CACNA1I: variants seen among roughly 807,000 people sequenced by gnomAD.
CACNA1I encodes calcium voltage-gated channel subunit alpha1 I.
In CACNA1I, 74 loss-of-function variants were observed where a neutral mutation model predicts 201.6. The observed-to-expected ratio is 0.37, with a 90% CI of 0.30 to 0.45. CACNA1I has a LOEUF of 0.45. Among genes scored for constraint, CACNA1I ranks in the 20% least tolerant of loss-of-function variants. The pLI, the probability that CACNA1I is intolerant of heterozygous loss-of-function variation, is 1.00. For synonymous variants in CACNA1I, 1,431 were observed against 1,345.2 expected (o/e 1.06, Z -1.40); for missense variants, 2,346 against 3,138.1 (o/e 0.75, Z 6.03).
intron 10 of CACNA1I, among the ~76,000 whole-genome samples, chr22:39,651,648 G>C (rs1328343601): frequency 6.6e-6 from 1 of 152,200 alleles, no homozygotes; most frequent in African/African-American, 2.4e-5. Context: ...CAGCATCGAG[G>C]GGGCCTGCAC....
rs150132960 is a variant in CACNA1I at position 39,597,323 on chromosome 22, C to T, written c.237-828C>T. Among the ~76,000 whole-genome samples the T allele has an allele frequency of 7.1e-3, 1,081 of 152,198 alleles. 13 individuals are homozygous for T. The highest frequency in any genetic ancestry group is 0.025 in the African/African-American group (1,044 of 41,492). Reference sequence around the variant, plus strand: ...TAGACAGTGGCGGGACTGGACACTGCGGGCTGTGTTCTAAGGATGGGTAGG... The same window carrying T: ...TAGACAGTGGCGGGACTGGACACTGTGGGCTGTGTTCTAAGGATGGGTAGG... On this transcript the variant is annotated intron_variant, in intron 1 of 36. Transcript: ENST00000402142.
At chr22:39,624,838 T>A (rs914538476) in intron 4 of CACNA1I, among the ~76,000 whole-genome samples, 1 of 152,174 alleles carries the variant, frequency 6.6e-6, no homozygotes, top group African/African-American at 2.4e-5. Context: ...TTTCTTTTTT[T>A]TAAAATATGA....
intron 2 of CACNA1I, among the ~76,000 whole-genome samples, chr22:39,599,319 G>A (rs1160996254): frequency 6.7e-6 from 1 of 149,362 alleles, no homozygotes. Flanking sequence ...CCGGGCACTT[G>A]GTAAAAATCC....
intron 32 of CACNA1I, 65 bp from the exon 33 acceptor site, chr22:39,679,657 C>T (rs1189541082): frequency 6.8e-7 from 1 of 1,461,960 alleles, no homozygotes. Context: ...GTGTCCTGCC[C>T]ACCCCACAGC....
Position 39,681,271 on chromosome 22 carries a change from C to G in CACNA1I, c.5664+219C>G, listed in dbSNP as rs572509708. ...GCCACAAGCCCAGCCAGCACTCCAA[C>G]CCGGCACCCAGCAGTACTGGCTGCT... On this transcript the variant is annotated intron_variant, in intron 34 of 36. Transcript: ENST00000402142. Among the ~76,000 whole-genome samples, 8 of 152,356 alleles carry G rather than the reference C, an allele frequency of 5.3e-5. No individual in the cohort carries two copies. In the East Asian group the frequency reaches 1.5e-3, roughly 29 times the overall value.
chr22:39,623,217 C>G (rs1291064592), intron 4 of CACNA1I, among the ~76,000 whole-genome samples: 1 of 146,370 alleles, frequency 6.8e-6, no homozygotes, highest in African/African-American at 2.5e-5. Flanking sequence ...GTGTGTCCAC[C>G]AGAGAACACG....
At chr22:39,650,403 C>T (rs1385808066) in intron 10 of CACNA1I, among the ~76,000 whole-genome samples, 2 of 152,202 alleles carry the variant, frequency 1.3e-5, no homozygotes, top group Non-Finnish European at 2.9e-5. Flanking sequence ...CCTCCCTCTT[C>T]AGCCTCCCAA....
Position 39,686,149 on chromosome 22 carries a change from C to T in CACNA1I, c.6416C>T (p.Pro2139Leu), listed in dbSNP as rs764533619. ...SLSLTSLFCP[P>L]PPPPAPGLTP... ...TCGCTCACCTCCCTCTTCTGCCCGC[C>T]GCCCCCGCCGCCAGCCCCCGGCCTC... Residue 2139 changes from proline (P) to leucine (L), a missense_variant, in exon 37 of 37, where the codon CCG becomes CTG. By Grantham distance (98) the Pro-to-Leu change is moderately conservative (BLOSUM62 -3). Around this residue, in one of 13 missense-constraint regions of CACNA1I, gnomAD observed 187 missense variants for 151.0 expected, o/e 1.24. Transcript: ENST00000402142. 7.8e-7 allele frequency: 1 copy of T among 1,275,252 alleles called. No homozygotes were observed. Among genetic ancestry groups the T allele is most frequent in the South Asian group, 2.6e-5 (1 of 38,796 alleles). The allele number at this position is 1,275,252 out of a possible 1,614,324, so 79.0% of individuals were successfully genotyped here. A position where few individuals can be genotyped will look rare whatever the true frequency, so the allele number is the denominator to read the frequency against.
At chr22:39,581,525 C>T (rs1020069329) in intron 1 of CACNA1I, among the ~76,000 whole-genome samples, 1 of 152,136 alleles carries the variant, frequency 6.6e-6, no homozygotes, top group Non-Finnish European at 1.5e-5. Flanking sequence ...TGTCCTGGGC[C>T]ACCCAGCCTG....
intron 4 of CACNA1I, among the ~76,000 whole-genome samples, chr22:39,623,333 T>C (rs1176845090): frequency 6.6e-6 from 1 of 151,804 alleles, no homozygotes; most frequent in Non-Finnish European, 1.5e-5. Flanking sequence ...AGAGTGTGTG[T>C]GCATGTGACA....
intron 4 of CACNA1I, among the ~76,000 whole-genome samples, chr22:39,627,476 T>C (rs1933932417): frequency 6.6e-6 from 1 of 152,144 alleles, no homozygotes; most frequent in African/African-American, 2.4e-5. Flanking sequence ...GGCACTGTGG[T>C]TAGTGCACAG....
In CACNA1I at chr22:39,571,886, A is replaced by T. The variant is rs11703000; in HGVS notation, c.236+898A>T. On this transcript the variant is annotated intron_variant, in intron 1 of 36. Coordinates refer to ENST00000402142, the MANE Select transcript of CACNA1I (RefSeq NM_021096.4). The stretch of plus-strand genomic sequence containing the variant: ...CCTAGCACCTGGCACAGTGCTTGGC[A>T]CATCGTGGGTGCTCTGGCAGTGTTT... 3.9e-3 allele frequency among the ~76,000 whole-genome samples: 589 copies of T among 152,364 alleles called. 5 individuals are homozygous for T. The highest frequency in any genetic ancestry group is 6.3e-3 in the Non-Finnish European group (431 of 68,034).
intron 3 of CACNA1I, among the ~76,000 whole-genome samples, chr22:39,609,940 A>T (rs1408783400): frequency 6.6e-6 from 1 of 152,148 alleles, no homozygotes. Flanking sequence ...GAGATCTCTA[A>T]CGTCAATACC....
chr22:39,605,420 T>C (rs1933192231), intron 3 of CACNA1I, among the ~76,000 whole-genome samples: 1 of 152,198 alleles, frequency 6.6e-6, no homozygotes. Context: ...GAAAGCTCTT[T>C]CTTTCACGGA....
At chr22:39,662,925 G>A (rs1451606204) in intron 18 of CACNA1I, 49 bp downstream of exon 18, 7 of 1,225,858 alleles carry the variant, frequency 5.7e-6, no homozygotes, top group African/African-American at 3.0e-5. Context: ...GGTAACGTGG[G>A]AGGGACGGAT....
intron 33 of CACNA1I, 125 bp downstream of exon 33, chr22:39,679,993 C>T (rs770173124): frequency 5.8e-5 from 55 of 955,524 alleles, no homozygotes; most frequent in Non-Finnish European, 8.4e-5. Flanking sequence ...CGTGGGCACA[C>T]GTAGCTTCCA....
In CACNA1I at chr22:39,583,005, CATCT is replaced by C. The variant is rs145775283; in HGVS notation, c.236+12018_236+12021del. On this transcript the variant is annotated intron_variant, in intron 1 of 36. Transcript: ENST00000402142. ...CCATCCATCCACCCACCCATCCATC[CATCT>C]GTCTTTCCATCCAAGCACCCAACCA... Among the ~76,000 whole-genome samples the C allele has an allele frequency of 3.8e-3, 567 of 151,058 alleles. 2 individuals are homozygous for C. Among genetic ancestry groups the C allele is most frequent in the Middle Eastern group, 0.014 (4 of 290 alleles).
chr22:39,670,772 G>A, intron 25 of CACNA1I, 31 bp from the exon 26 acceptor site: 1 of 1,612,848 alleles, frequency 6.2e-7, no homozygotes, highest in Non-Finnish European at 8.5e-7. Context: ...ACCCTCTGTG[G>A]TCTTTGCCAC....
rs1367227027 is a variant in CACNA1I at position 39,689,497 on chromosome 22, G to A, written c.*3092G>A. 1.3e-5 allele frequency: 2 copies of A among 152,768 alleles called. No individual in the cohort carries two copies. The highest frequency in any genetic ancestry group is 1.3e-4 in the Admixed American group (2 of 15,286). 9.5% of individuals were successfully genotyped at this position (152,768 alleles called of 1,614,324 possible). ...TAATCAGTGTTCCTGGCAGAGCCTG[G>A]GCCAAGCTGCAGCCTACTGAGGAGG... On this transcript the variant is annotated 3_prime_UTR_variant, in exon 37 of 37. Coordinates refer to ENST00000402142, the MANE Select transcript of CACNA1I (RefSeq NM_021096.4).
Sources: gnomAD v4.1 joint callset for allele counts (sites outside exome capture counted in the v4.1 genomes callset) on GRCh38, gnomAD v4.1.1 for gene constraint, gnomAD v4.1.1 regional missense constraint, MANE v1.5 for transcripts, NCBI Gene and HGNC (gene_info 2026-07-23, HGNC 2026-07-21) for gene names.